Variants in ST8SIA4 observed in about 807,000 individuals in gnomAD.
The protein encoded by ST8SIA4 is CMP-N-acetylneuraminate-poly-alpha-2,8-sialyltransferase.
A neutral mutation model predicts 33.9 loss-of-function variants in ST8SIA4; 15 were observed. The observed-to-expected ratio is 0.44, with a 90% CI of 0.30 to 0.68. ST8SIA4 has a LOEUF of 0.68. Ranked by LOEUF, ST8SIA4 falls within the 30% of genes least tolerant of loss-of-function variation. The pLI is 0.10. For missense variants in ST8SIA4, 321 were observed against 428.0 expected (o/e 0.75, Z 2.21); for synonymous variants, 171 against 151.2 (o/e 1.13, Z -0.96).
chr5:100,812,359 G>A (rs535117001), intron 4 of ST8SIA4, among the ~76,000 whole-genome samples: 9 of 151,544 alleles, frequency 5.9e-5, no homozygotes, highest in African/African-American at 2.2e-4. Flanking sequence ...ATACCCAAGG[G>A]ACCTGGAATG....
chr5:100,856,243 A>G lies in ST8SIA4; in HGVS notation c.657T>C (p.Asn219=), dbSNP rs140878740. Residue 219 remains asparagine, a synonymous_variant, in exon 4 of 5, where the codon AAT becomes AAC. Coordinates refer to ENST00000231461, the MANE Select transcript of ST8SIA4 (RefSeq NM_005668.6). ...AAGCAGGAATCCAAAGGACACTGTCATTCAGCATGGAAAGTCTATGCACAA... is the reference window on the plus strand; with the variant it reads ...AAGCAGGAATCCAAAGGACACTGTCGTTCAGCATGGAAAGTCTATGCACAA... The part of the protein sequence containing the change: ...EKFVHRLSML[N]DSVLWIPAFM... 2.5e-6 allele frequency: 4 copies of G among 1,614,032 alleles called. No individual in the cohort carries two copies. In the African/African-American group the frequency reaches 5.3e-5, roughly 22 times the overall value.
rs141002831 is a variant in ST8SIA4 at position 100,866,578 on chromosome 5, TCACACACA to T, written c.504-10190_504-10183del. On this transcript the variant is annotated intron_variant, in intron 3 of 4. Coordinates refer to ENST00000231461, the MANE Select transcript of ST8SIA4 (RefSeq NM_005668.6). ...AGAATGCCAGGACCTCTTCTAAATT[TCACACACA>T]CACACACACACACACACACACACAC... Among the ~76,000 whole-genome samples the T allele has an allele frequency of 1.2e-4, 17 of 146,494 alleles. No homozygotes were observed. In the East Asian group the frequency reaches 1.4e-3, roughly 12 times the overall value.
intron 4 of ST8SIA4, among the ~76,000 whole-genome samples, chr5:100,842,111 AT>A (rs1489259418): frequency 6.6e-6 from 1 of 151,924 alleles, no homozygotes; most frequent in African/African-American, 2.4e-5. Context: ...CTTCAATAGA[AT>A]TTTTTAATGA....
chr5:100,843,191 A>G (rs1325854283), intron 4 of ST8SIA4, among the ~76,000 whole-genome samples: 1 of 151,906 alleles, frequency 6.6e-6, no homozygotes, highest in African/African-American at 2.4e-5. Context: ...CACTGATTTT[A>G]CTATCTCTAG....
rs148164686 is a variant in ST8SIA4, at chr5:100,887,318, A to G, written c.246-718T>C. On this transcript the variant is annotated intron_variant, in intron 2 of 4. Transcript: ENST00000231461. ...CTTCCTTCTAATATTTGAACCTTCT[A>G]AGTTTTACTTGGGCACATGGATGCT... 3.2e-3 allele frequency among the ~76,000 whole-genome samples: 486 copies of G among 152,110 alleles called. 1 individual carries two copies. Among genetic ancestry groups the G allele is most frequent in the African/African-American group, 0.011 (471 of 41,518 alleles).
intron 1 of ST8SIA4, among the ~76,000 whole-genome samples, chr5:100,896,734 T>A (rs1257461061): frequency 6.6e-6 from 1 of 152,206 alleles, no homozygotes; most frequent in Non-Finnish European, 1.5e-5. Context: ...ATAAAACAAA[T>A]AAGCTCTGTT....
intron 3 of ST8SIA4, among the ~76,000 whole-genome samples, chr5:100,883,114 C>T (rs979180382): frequency 2.0e-4 from 31 of 152,186 alleles, no homozygotes; most frequent in Admixed American, 1.4e-3. Flanking sequence ...AAGCCGCACT[C>T]AATGCTAGTG....
At chr5:100,827,799 G>C (rs1457247325) in intron 4 of ST8SIA4, among the ~76,000 whole-genome samples, 1 of 152,136 alleles carries the variant, frequency 6.6e-6, no homozygotes, top group Non-Finnish European at 1.5e-5. Flanking sequence ...TGTCACTCTA[G>C]TTCCTCCCTA....
chr5:100,814,228 C>T (rs1419523305), intron 4 of ST8SIA4, among the ~76,000 whole-genome samples: 5 of 152,070 alleles, frequency 3.3e-5, no homozygotes, highest in African/African-American at 9.6e-5. Flanking sequence ...TTATGAGACA[C>T]CACAAATAGA....
At chr5:100,885,723 G>T in intron 3 of ST8SIA4, 1 of 941,596 alleles carries the variant, frequency 1.1e-6, no homozygotes, top group Admixed American at 6.2e-5. Flanking sequence ...CAGTTAATAG[G>T]TTAATCAAAC....
chr5:100,864,594 A>C (rs1296761648), intron 3 of ST8SIA4, among the ~76,000 whole-genome samples: 1 of 150,214 alleles, frequency 6.7e-6, no homozygotes, highest in Non-Finnish European at 1.5e-5. Flanking sequence ...AAAAAAAAAA[A>C]AAAAAAAAAG....
intron 4 of ST8SIA4, among the ~76,000 whole-genome samples, chr5:100,840,688 A>T (rs1751452734): frequency 6.6e-6 from 1 of 151,726 alleles, no homozygotes; most frequent in South Asian, 2.1e-4. Context: ...ACTAGCCCAT[A>T]ACATTTTTGG....
intron 3 of ST8SIA4, among the ~76,000 whole-genome samples, chr5:100,883,041 G>C (rs777458246): frequency 6.6e-6 from 1 of 152,118 alleles, no homozygotes; most frequent in Non-Finnish European, 1.5e-5. Context: ...GTGAGAAGAG[G>C]GCCACCATCC....
intron 4 of ST8SIA4, among the ~76,000 whole-genome samples, chr5:100,827,617 A>G (rs140452528): frequency 1.9e-3 from 293 of 152,342 alleles, no homozygotes; most frequent in African/African-American, 6.7e-3. Context: ...AATATGCTGA[A>G]GTGCTCATCT....
At chr5:100,850,728 T>C (rs1365665710) in intron 4 of ST8SIA4, among the ~76,000 whole-genome samples, 2 of 151,738 alleles carry the variant, frequency 1.3e-5, no homozygotes, top group African/African-American at 4.8e-5. Context: ...TTATTAAAAT[T>C]CCCTTTTCTG....
rs1224524557 is a variant in ST8SIA4 at position 100,886,560 on chromosome 5, A to C, written c.286T>G (p.Ser96Ala). ...GGCTTAAAACTGCTCTTGACCACTG[A>C]CACATCTCGTTCTGCATCTAAGAAA... ...LRFLDAERDVSVVKSSFKPGD... is the reference protein window; with the variant it reads ...LRFLDAERDVAVVKSSFKPGD... The change falls in exon 3 of 5, where the codon TCA becomes GCA. Residue 96 changes from serine to alanine, a missense_variant. By Grantham distance (99) the Ser-to-Ala change is moderately conservative. Transcript: ENST00000231461. 1.2e-6 allele frequency: 2 copies of C among 1,613,846 alleles called. No individual in the cohort carries two copies. Among genetic ancestry groups the C allele is most frequent in the Non-Finnish European group, 1.7e-6 (2 of 1,179,758 alleles).
At chr5:100,872,146 T>A (rs1752209242) in intron 3 of ST8SIA4, among the ~76,000 whole-genome samples, 1 of 152,086 alleles carries the variant, frequency 6.6e-6, no homozygotes, top group African/African-American at 2.4e-5. Flanking sequence ...TATACCTCAA[T>A]GTATCAGGTT....
Position 100,807,193 on chromosome 5 carries a change from A to T in ST8SIA4, c.*4654T>A, listed in dbSNP as rs149459701. 1.8e-4 allele frequency: 28 copies of T among 152,310 alleles called. No individual in the cohort carries two copies. In the East Asian group the frequency reaches 5.4e-3, roughly 29 times the overall value. 9.4% of individuals were successfully genotyped at this position (152,310 alleles called of 1,614,324 possible). A position where few individuals can be genotyped will look rare whatever the true frequency, so the allele number is the denominator to read the frequency against. ...ACCAAGGGCTTGGATATATGAGATA[A>T]GAGAAACAGTGAAAAAAAGGGATTA... On this transcript the variant is annotated 3_prime_UTR_variant, in exon 5 of 5. Coordinates refer to ENST00000231461, the MANE Select transcript of ST8SIA4 (RefSeq NM_005668.6).
intron 4 of ST8SIA4, among the ~76,000 whole-genome samples, chr5:100,812,522 A>G (rs1750836555): frequency 1.3e-5 from 2 of 152,130 alleles, no homozygotes; most frequent in Non-Finnish European, 2.9e-5. Context: ...CAGAAAAAAA[A>G]GTTTGAAACT....
Sources: gnomAD v4.1 joint callset for allele counts (sites outside exome capture counted in the v4.1 genomes callset) on GRCh38, gnomAD v4.1.1 for gene constraint, MANE v1.5 for transcripts, NCBI Gene and HGNC (gene_info 2026-07-23, HGNC 2026-07-21) for gene names.